Variants in RTEL1 observed in about 807,000 individuals in gnomAD.
RTEL1 encodes regulator of telomere elongation helicase 1.
Under a neutral mutation model 162.2 loss-of-function variants are expected in RTEL1, and 86 were observed. The observed-to-expected ratio is 0.53, with a 90% CI of 0.45 to 0.63. RTEL1 has a LOEUF of 0.63. Among genes scored for constraint, RTEL1 ranks in the 30% least tolerant of loss-of-function variants. The pLI is 0.00. For missense variants in RTEL1, 1,941 were observed against 1,750.2 expected (o/e 1.11, Z -1.95); for synonymous variants, 958 against 717.9 (o/e 1.33, Z -5.35).
rs560165598 is a variant in RTEL1 at position 63,693,262 on chromosome 20, C to G, written c.2971C>G (p.Gln991Glu). The G allele has an allele frequency of 3.1e-6, 5 of 1,611,890 alleles. No homozygotes were observed. The South Asian group carries it at 3.3e-5, about 11-fold the overall frequency. ...CAGCATTCCCCGAAGGCAGCGGGCA[C>G]AGCCGGTCCTGGACCCCACTGGTAA... ...EHSIPRRQRAQPVLDPTGRTA... is the reference protein window; with the variant it reads ...EHSIPRRQRAEPVLDPTGRTA... The change falls in exon 30 of 35, where the codon CAG (glutamine) becomes GAG (glutamate). Residue 991 changes from glutamine (Q) to glutamate (E), a missense_variant. Coordinates refer to ENST00000360203, the MANE Select transcript of RTEL1 (RefSeq NM_001283009.2).
chr20:63,693,906 AC>A (rs1256903316), intron 30 of RTEL1, among the ~76,000 whole-genome samples: 1 of 150,442 alleles, frequency 6.6e-6, no homozygotes, highest in Non-Finnish European at 1.5e-5. Context: ...TGGGGGGTCA[AC>A]TGCACACGCC....
At chr20:63,662,451 G>A in intron 4 of RTEL1, 95 bp from the exon 5 acceptor site, 1 of 1,578,308 alleles carries the variant, frequency 6.3e-7, no homozygotes, top group Non-Finnish European at 8.6e-7. Context: ...TGACCGCCGA[G>A]GCTCCTGCGT....
chr20:63,680,917 C>T (rs528010156), intron 14 of RTEL1, 198 bp downstream of exon 14: 41 of 985,242 alleles, frequency 4.2e-5, no homozygotes, highest in Middle Eastern at 1.0e-3. Flanking sequence ...TGGGGGAGGA[C>T]GAGGTCTGGT....
Position 63,690,290 on chromosome 20 carries a change from G to T in RTEL1, c.2266-4G>T. 1 of 1,603,868 alleles carries T rather than the reference G, an allele frequency of 6.2e-7. No homozygotes were observed. Among genetic ancestry groups the T allele is most frequent in the Non-Finnish European group, 8.5e-7 (1 of 1,173,320 alleles). Reference sequence around the variant, plus strand: ...TGGGTCCACCCACCCCCATGGTTCTGCAGATGCCAGCGCCGGCCCCCCGGG... The same window carrying T: ...TGGGTCCACCCACCCCCATGGTTCTTCAGATGCCAGCGCCGGCCCCCCGGG... On this transcript the variant is annotated splice_polypyrimidine_tract_variant and splice_region_variant and intron_variant, in intron 25 of 34. Coordinates refer to ENST00000360203, the MANE Select transcript of RTEL1 (RefSeq NM_001283009.2).
rs374853062 is a variant in RTEL1 at position 63,694,397 on chromosome 20, G to C, written c.3018G>C (p.Leu1006=). ...GAAGAACGGCGCCGGATCCCAAGCTGACCGTGTCCACGGCTGCAGCCCAGC... is the reference window on the plus strand; with the variant it reads ...GAAGAACGGCGCCGGATCCCAAGCTCACCGTGTCCACGGCTGCAGCCCAGC... ...PTGRTAPDPK[L]TVSTAAAQQL... is the part of the protein sequence containing the mutation. Residue 1006 remains leucine, a synonymous_variant, in exon 31 of 35, where the codon CTG becomes CTC. Coordinates refer to ENST00000360203, the MANE Select transcript of RTEL1 (RefSeq NM_001283009.2). 6.2e-7 allele frequency: 1 copy of C among 1,612,268 alleles called. No homozygotes were observed. The highest frequency in any genetic ancestry group is 8.5e-7 in the Non-Finnish European group (1 of 1,179,670).
At chr20:63,663,219 G>A (rs1478436548) in intron 6 of RTEL1, among the ~76,000 whole-genome samples, 2 of 152,212 alleles carry the variant, frequency 1.3e-5, no homozygotes, top group East Asian at 1.9e-4. Flanking sequence ...GCTGAACACC[G>A]GCTTTCTCTT....
intron 13 of RTEL1, 74 bp downstream of exon 13, chr20:63,680,020 T>A: frequency 1.9e-6 from 2 of 1,065,888 alleles, no homozygotes; most frequent in Non-Finnish European, 2.7e-6. Context: ...ATCTTGGCAG[T>A]CAGGGCTCCC....
intron 14 of RTEL1, among the ~76,000 whole-genome samples, chr20:63,684,424 G>C (rs1016669123): frequency 6.6e-6 from 1 of 152,082 alleles, no homozygotes; most frequent in Admixed American, 6.5e-5. Flanking sequence ...CGCGATCTCG[G>C]CTCACTGCAA....
At position 63,669,491 on chromosome 20, in the gene RTEL1, A is replaced by G. The variant is rs183183518; in HGVS notation, c.699+1938A>G. Among the ~76,000 whole-genome samples the G allele has an allele frequency of 1.7e-3, 264 of 152,390 alleles. 2 individuals are homozygous for G. The highest frequency in any genetic ancestry group is 3.0e-3 in the Non-Finnish European group (203 of 68,040). On this transcript the variant is annotated intron_variant, in intron 8 of 34. Coordinates refer to ENST00000360203, the MANE Select transcript of RTEL1 (RefSeq NM_001283009.2). Reference sequence around the variant, plus strand: ...GTTGAGAAAATGAAAAAGCAGTTAAAGAAAGGGAGAAAATACTTCTTTCAA... The same window carrying G: ...GTTGAGAAAATGAAAAAGCAGTTAAGGAAAGGGAGAAAATACTTCTTTCAA...
chr20:63,696,202 A>G lies in RTEL1; in HGVS notation c.*344A>G. On this transcript the variant is annotated 3_prime_UTR_variant, in exon 35 of 35. Transcript: ENST00000360203. ...CCCCCGTGGGCACGTGTCCACTTTT[A>G]ATCAGGGGACAGGGCTCTCTAATAA... is the stretch of plus-strand genomic sequence containing the variant. 2.5e-6 allele frequency: 1 copy of G among 403,110 alleles called. No individual in the cohort carries two copies. Among genetic ancestry groups the G allele is most frequent in the Non-Finnish European group, 4.5e-6 (1 of 221,842 alleles). 25.0% of individuals were successfully genotyped at this position (403,110 alleles called of 1,614,324 possible). A position where few individuals can be genotyped will look rare whatever the true frequency, so the allele number is the denominator to read the frequency against.
At chr20:63,657,891 C>G (rs2146136227), upstream of RTEL1, 5 of 152,476 alleles carry the variant, frequency 3.3e-5, 1 homozygote, top group African/African-American at 1.2e-4. Context: ...GTGAGCCGAG[C>G]AGAAGCTGGA....
chr20:63,662,948 G>C, intron 6 of RTEL1, 59 bp downstream of exon 6: 2 of 1,513,706 alleles, frequency 1.3e-6, no homozygotes, highest in Non-Finnish European at 9.2e-7. Context: ...TCTCAGGGTG[G>C]AGCTCAGTGG....
At chr20:63,671,453 T>C (rs1225645527) in intron 8 of RTEL1, among the ~76,000 whole-genome samples, 1 of 151,972 alleles carries the variant, frequency 6.6e-6, no homozygotes, top group Non-Finnish European at 1.5e-5. Flanking sequence ...CTGCCAGAAC[T>C]CAGTACACTT....
At chr20:63,692,305 G>A in intron 28 of RTEL1, 1 of 225,014 alleles carries the variant, frequency 4.4e-6, no homozygotes, top group South Asian at 6.6e-5. Context: ...ATCAGGAAGT[G>A]GGTGGCTGCT....
intron 16 of RTEL1, 110 bp from the exon 17 acceptor site, chr20:63,687,528 T>C: frequency 7.9e-7 from 1 of 1,268,144 alleles, no homozygotes; most frequent in South Asian, 1.5e-5. Context: ...TGCCCGCGGC[T>C]CGCTTGCTTG....
chr20:63,675,303 T>C (rs917755082), intron 10 of RTEL1, among the ~76,000 whole-genome samples: 4 of 152,178 alleles, frequency 2.6e-5, no homozygotes, highest in African/African-American at 9.7e-5. Context: ...CTCGTGAGCA[T>C]CTCCAGGTGT....
chr20:63,682,297 A>G lies in RTEL1; in HGVS notation c.1191+1578A>G, dbSNP rs561509009. On this transcript the variant is annotated intron_variant, in intron 14 of 34. Transcript: ENST00000360203. ...AACGCGGCCTCCCAGGCCCCCAGCT[A>G]TGGAGAAGACTCCACACTCTGGAAC... is the stretch of plus-strand genomic sequence containing the variant. The G allele has an allele frequency of 2.7e-4, 263 of 982,658 alleles. 4 individuals are homozygous for G. In the South Asian group the frequency reaches 7.9e-3, roughly 29 times the overall value. The allele number at this position is 982,658 out of a possible 1,614,324, so 60.9% of individuals were successfully genotyped here.
At chr20:63,667,231 G>T (rs1406726392) in intron 7 of RTEL1, among the ~76,000 whole-genome samples, 2 of 152,104 alleles carry the variant, frequency 1.3e-5, no homozygotes, top group Non-Finnish European at 2.9e-5. Flanking sequence ...TTAAAGAGAC[G>T]ACGATTTACA....
At chr20:63,677,570 G>A (rs965027913) in intron 10 of RTEL1, among the ~76,000 whole-genome samples, 7 of 152,210 alleles carry the variant, frequency 4.6e-5, no homozygotes, top group South Asian at 2.1e-4. Flanking sequence ...CAGAGATGGC[G>A]CTGCTGCACC....
Sources: gnomAD v4.1 joint callset for allele counts (sites outside exome capture counted in the v4.1 genomes callset) on GRCh38, gnomAD v4.1.1 for gene constraint, MANE v1.5 for transcripts, NCBI Gene and HGNC (gene_info 2026-07-23, HGNC 2026-07-21) for gene names.